Variants in FOXJ3 observed in about 807,000 individuals in gnomAD.
The protein encoded by FOXJ3 is forkhead box J3.
FOXJ3 carries 22 observed loss-of-function variants against 76.1 expected under a neutral mutation model. The observed-to-expected ratio is 0.29, with a 90% CI of 0.21 to 0.41. The LOEUF is 0.41. Ranked by LOEUF, FOXJ3 falls within the 10% of genes least tolerant of loss-of-function variation. The pLI, the probability that FOXJ3 is intolerant of heterozygous loss-of-function variation, is 1.00. For synonymous variants in FOXJ3, 269 were observed against 261.2 expected, an observed-to-expected ratio of 1.03 and a Z score of -0.29; for missense variants, 613 against 762.1, an observed-to-expected ratio of 0.80 and a Z score of 2.30.
chr1:42,317,104 CCTTT>C (rs1367575964), intron 1 of FOXJ3, among the ~76,000 whole-genome samples: 2 of 152,108 alleles, frequency 1.3e-5, no homozygotes, highest in African/African-American at 4.8e-5. Context: ...GAAGCTATTC[CCTTT>C]TTTTGCTTCT....
intron 5 of FOXJ3, among the ~76,000 whole-genome samples, chr1:42,225,950 T>C (rs1213517778): frequency 1.3e-5 from 2 of 152,184 alleles, no homozygotes; most frequent in Non-Finnish European, 1.5e-5. Flanking sequence ...ACACGGACAG[T>C]TGTTCGCCCA....
intron 11 of FOXJ3, among the ~76,000 whole-genome samples, chr1:42,186,871 G>A (rs1049667986): frequency 2.0e-5 from 3 of 152,034 alleles, no homozygotes; most frequent in East Asian, 1.9e-4. Context: ...CTTTTGAGAC[G>A]AAGTCTCCCT....
At chr1:42,225,069 C>T (rs1191917338) in intron 5 of FOXJ3, among the ~76,000 whole-genome samples, 1 of 151,230 alleles carries the variant, frequency 6.6e-6, no homozygotes, top group Non-Finnish European at 1.5e-5. Context: ...GAGTGAAATC[C>T]AGACTCCCCT....
chr1:42,231,714 C>T (rs759022373), intron 4 of FOXJ3, among the ~76,000 whole-genome samples: 6 of 152,032 alleles, frequency 3.9e-5, no homozygotes, highest in East Asian at 1.9e-4. Context: ...ACGACCATGG[C>T]GTAATGCAGC....
chr1:42,324,200 A>ATATATAC (rs1262411880), intron 1 of FOXJ3, among the ~76,000 whole-genome samples: 373 of 16,648 alleles, frequency 0.022, 3 homozygotes, highest in African/African-American at 0.045. Context: ...TATATATACT[A>ATATATAC]TATATATACT....
chr1:42,181,100 A>G (rs1265299261), intron 12 of FOXJ3, among the ~76,000 whole-genome samples: 1 of 152,178 alleles, frequency 6.6e-6, no homozygotes, highest in African/African-American at 2.4e-5. Context: ...CATTACCTTT[A>G]TGTCTTTTCC....
intron 11 of FOXJ3, among the ~76,000 whole-genome samples, chr1:42,188,234 G>A (rs534635871): frequency 7.2e-5 from 11 of 151,986 alleles, no homozygotes; most frequent in African/African-American, 2.7e-4. Flanking sequence ...AATGAAGGAA[G>A]AAAGCGAGAT....
chr1:42,298,042 G>C (rs1653898100), intron 2 of FOXJ3, among the ~76,000 whole-genome samples: 1 of 152,014 alleles, frequency 6.6e-6, no homozygotes, highest in African/African-American at 2.4e-5. Flanking sequence ...GCAGGTAATT[G>C]AATCATGGGG....
At chr1:42,241,866 A>G (rs532968525) in intron 4 of FOXJ3, among the ~76,000 whole-genome samples, 1 of 152,308 alleles carries the variant, frequency 6.6e-6, no homozygotes, top group East Asian at 1.9e-4. Context: ...GGTCTCAAGG[A>G]CAGTAACATC....
chr1:42,306,802 TTAAG>T (rs1654502240), intron 2 of FOXJ3, among the ~76,000 whole-genome samples: 1 of 152,240 alleles, frequency 6.6e-6, no homozygotes, highest in African/African-American at 2.4e-5. Flanking sequence ...TGAGGATTTT[TTAAG>T]TAATATGCAG....
chr1:42,305,753 C>T (rs1654419155), intron 2 of FOXJ3, among the ~76,000 whole-genome samples: 2 of 152,132 alleles, frequency 1.3e-5, no homozygotes, highest in East Asian at 1.9e-4. Context: ...GAATGGTTAA[C>T]GGGTACAAAA....
chr1:42,327,807 G>A (rs1195898148), intron 1 of FOXJ3, among the ~76,000 whole-genome samples: 2 of 152,166 alleles, frequency 1.3e-5, no homozygotes, highest in Non-Finnish European at 2.9e-5. Flanking sequence ...CTATACCACT[G>A]AGGAGGACTC....
chr1:42,248,697 T>C (rs1160487911), intron 4 of FOXJ3, among the ~76,000 whole-genome samples: 3 of 151,202 alleles, frequency 2.0e-5, no homozygotes, highest in African/African-American at 4.9e-5. Context: ...GCCAGTGATA[T>C]TGTCCAGAAA....
At position 42,188,826 on chromosome 1, in the gene FOXJ3, G is replaced by A; in HGVS notation, c.1556C>T (p.Thr519Ile). 1 of 1,613,338 alleles carries A rather than the reference G, an allele frequency of 6.2e-7. No homozygotes were observed. Among genetic ancestry groups the A allele is most frequent in the South Asian group, 1.1e-5 (1 of 91,022 alleles). The change falls in exon 11 of 13, where the codon ACT becomes ATT. Residue 519 changes from threonine (T) to isoleucine (I), a missense_variant. This residue lies in a region of FOXJ3 where 526 missense variants were observed against 601.4 expected (regional missense o/e 0.87). Coordinates refer to ENST00000361346, the MANE Select transcript of FOXJ3 (RefSeq NM_014947.5). ...CSSLNQFFTQTGLIHSQSNVQ... is the reference protein window; with the variant it reads ...CSSLNQFFTQIGLIHSQSNVQ... ...ATTACTCTGTGAATGTATAAGGCCA[G>A]TTTGTGTAAAGAACTGATTAAGAGA... is the stretch of plus-strand genomic sequence containing the variant.
chr1:42,323,663 G>C lies in FOXJ3; in HGVS notation c.-18+11396C>G, dbSNP rs1313211696. 4 of 976,452 alleles carry C rather than the reference G, an allele frequency of 4.1e-6. No individual in the cohort carries two copies. The African/African-American group carries it at 7.0e-5, about 17-fold the overall frequency. The allele number at this position is 976,452 out of a possible 1,614,324, so 60.5% of individuals were successfully genotyped here. On this transcript the variant is annotated intron_variant, in intron 1 of 12. Transcript: ENST00000361346. ...AGTATCTGTACCCATTTCTTGCTAAGAGACTATGCCTCTTAATTACCTTTG... is the reference window on the plus strand; with the variant it reads ...AGTATCTGTACCCATTTCTTGCTAACAGACTATGCCTCTTAATTACCTTTG...
At chr1:42,292,769 T>C (rs1653525261) in intron 2 of FOXJ3, among the ~76,000 whole-genome samples, 1 of 152,174 alleles carries the variant, frequency 6.6e-6, no homozygotes, top group South Asian at 2.1e-4. Context: ...AAAATTGTAC[T>C]ATGTCAATTA....
intron 4 of FOXJ3, among the ~76,000 whole-genome samples, chr1:42,242,102 T>A (rs1398238559): frequency 6.6e-6 from 1 of 152,000 alleles, no homozygotes; most frequent in Non-Finnish European, 1.5e-5. Flanking sequence ...GTCTCATAGA[T>A]ACATCTTCAG....
At chr1:42,323,150 C>T (rs1304232657) in intron 1 of FOXJ3, among the ~76,000 whole-genome samples, 1 of 152,104 alleles carries the variant, frequency 6.6e-6, no homozygotes. Context: ...AGCCTTCCAC[C>T]TCACCTCTAC....
chr1:42,287,208 C>A (rs954738410), intron 2 of FOXJ3, among the ~76,000 whole-genome samples: 3 of 151,606 alleles, frequency 2.0e-5, no homozygotes, highest in Non-Finnish European at 2.9e-5. Flanking sequence ...GGCATGGTGG[C>A]ATGCATCTGT....
Sources: allele counts gnomAD v4.1 joint callset (sites outside exome capture counted in the v4.1 genomes callset), GRCh38; gene constraint gnomAD v4.1.1; regional missense constraint gnomAD v4.1.1; transcripts MANE v1.5; gene names NCBI Gene and HGNC (gene_info 2026-07-23, HGNC 2026-07-21).